Variants in LGR5 observed in about 807,000 individuals in gnomAD.
The protein encoded by LGR5 is leucine-rich repeat-containing G protein-coupled receptor 5.
A neutral mutation model predicts 76.7 loss-of-function variants in LGR5; 54 were observed. The observed-to-expected ratio is 0.70, with a 90% CI of 0.57 to 0.88. The LOEUF is 0.88. Ranked by LOEUF, LGR5 falls within the 40% of genes least tolerant of loss-of-function variation. LGR5 has a pLI of 0.00. For synonymous variants in LGR5, 406 were observed against 421.9 expected (o/e 0.96, Z 0.46); for missense variants, 1,078 against 1,073.3 (o/e 1.00, Z -0.06).
chr12:71,559,148 T>C (rs1214347727), intron 6 of LGR5, among the ~76,000 whole-genome samples: 1 of 152,122 alleles, frequency 6.6e-6, no homozygotes, highest in Non-Finnish European at 1.5e-5. Context: ...AGATTTCATG[T>C]CACAAGGGAG....
Position 71,584,275 on chromosome 12 carries a change from C to G in LGR5, c.2265C>G (p.Asp755Glu). ...TKLYCNLDKG[D>E]LENIWDCSMV... is the part of the protein sequence containing the mutation. The stretch of plus-strand genomic sequence containing the variant: ...TCTACTGCAATTTGGACAAGGGAGA[C>G]CTGGAGAATATTTGGGACTGCTCTA... Residue 755 changes from aspartate (D) to glutamate (E), a missense_variant, in exon 18 of 18, where the codon GAC becomes GAG. Asp to Glu is a conservative substitution (Grantham distance 45). Coordinates refer to ENST00000266674, the MANE Select transcript of LGR5 (RefSeq NM_003667.4). 1 of 1,614,210 alleles carries G rather than the reference C, an allele frequency of 6.2e-7. No individual in the cohort carries two copies. Among genetic ancestry groups the G allele is most frequent in the South Asian group, 1.1e-5 (1 of 91,088 alleles).
chr12:71,480,988 C>A (rs1289613672), intron 1 of LGR5, among the ~76,000 whole-genome samples: 1 of 152,186 alleles, frequency 6.6e-6, no homozygotes, highest in Non-Finnish European at 1.5e-5. Flanking sequence ...AGCTAGATAA[C>A]AACATTTAGG....
chr12:71,555,490 T>C (rs573566207), intron 5 of LGR5, among the ~76,000 whole-genome samples: 2 of 152,326 alleles, frequency 1.3e-5, no homozygotes, highest in South Asian at 4.1e-4. Flanking sequence ...TGTGTCAAGA[T>C]AACTAATCTC....
rs1878229662 is a variant in LGR5 at position 71,564,675 on chromosome 12, TATATAC to T, written c.858-1723_858-1718del. On this transcript the variant is annotated intron_variant, in intron 8 of 17. Transcript: ENST00000266674. ...TATACATATATGTACACACACTGTA[TATATAC>T]ATATATACATATATGTACACACACT... is the stretch of plus-strand genomic sequence containing the variant. Among the ~76,000 whole-genome samples the T allele has an allele frequency of 7.2e-5, 5 of 69,008 alleles. 1 individual carries two copies. Among genetic ancestry groups the T allele is most frequent in the Admixed American group, 1.7e-4 (1 of 5,836 alleles). 45.3% of individuals were successfully genotyped at this position (69,008 alleles called of 152,430 possible). A position where few individuals can be genotyped will look rare whatever the true frequency, so the allele number is the denominator to read the frequency against.
chr12:71,461,484 T>A (rs1234855886), intron 1 of LGR5, among the ~76,000 whole-genome samples: 1 of 152,182 alleles, frequency 6.6e-6, no homozygotes, highest in Admixed American at 6.6e-5. Flanking sequence ...TTTCCGCCTT[T>A]TAGTCTATTT....
At chr12:71,449,803 G>A (rs999333867) in intron 1 of LGR5, among the ~76,000 whole-genome samples, 1 of 152,170 alleles carries the variant, frequency 6.6e-6, no homozygotes, top group Non-Finnish European at 1.5e-5. Flanking sequence ...TACATTTAGA[G>A]TAAGTTCTGT....
At chr12:71,559,200 G>A (rs183603927) in intron 6 of LGR5, among the ~76,000 whole-genome samples, 2 of 152,304 alleles carry the variant, frequency 1.3e-5, no homozygotes, top group African/African-American at 4.8e-5. Flanking sequence ...CAGGAGCCCT[G>A]AGGAGTGCAA....
chr12:71,450,540 C>T (rs750894994), intron 1 of LGR5, among the ~76,000 whole-genome samples: 2 of 152,106 alleles, frequency 1.3e-5, no homozygotes, highest in Non-Finnish European at 2.9e-5. Flanking sequence ...GAACTCCTGG[C>T]CTCAAGTAAT....
At chr12:71,479,158 C>A (rs1269206676) in intron 1 of LGR5, among the ~76,000 whole-genome samples, 1 of 151,766 alleles carries the variant, frequency 6.6e-6, no homozygotes, top group Admixed American at 6.6e-5. Context: ...TTATTTTTTT[C>A]TATGAGTTGT....
intron 7 of LGR5, among the ~76,000 whole-genome samples, chr12:71,560,140 C>G (rs1877983201): frequency 6.6e-6 from 1 of 152,188 alleles, no homozygotes. Context: ...TTAGGGACAA[C>G]AACCCTTGCA....
At chr12:71,441,890 C>G (rs1871783677) in intron 1 of LGR5, 1 of 152,188 alleles carries the variant, frequency 6.6e-6, no homozygotes, top group Non-Finnish European at 1.5e-5. Flanking sequence ...GCTATCTCTA[C>G]TACAAAGCAG....
intron 1 of LGR5, among the ~76,000 whole-genome samples, chr12:71,485,001 C>A (rs918142699): frequency 2.6e-5 from 4 of 152,060 alleles, no homozygotes; most frequent in African/African-American, 9.7e-5. Context: ...TTAGAATTAT[C>A]CTATAATTTA....
chr12:71,527,560 T>C (rs1052960006), intron 3 of LGR5, among the ~76,000 whole-genome samples: 4 of 152,216 alleles, frequency 2.6e-5, no homozygotes, highest in African/African-American at 9.6e-5. Context: ...TTTCATATGA[T>C]TGTACTCCAA....
intron 15 of LGR5, among the ~76,000 whole-genome samples, chr12:71,579,336 A>G (rs1231356692): frequency 6.6e-6 from 1 of 152,260 alleles, no homozygotes; most frequent in Non-Finnish European, 1.5e-5. Context: ...AATGCTGCTT[A>G]AAATCTGTTA....
At chr12:71,493,817 G>A (rs1348203939) in intron 1 of LGR5, among the ~76,000 whole-genome samples, 1 of 143,198 alleles carries the variant, frequency 7.0e-6, no homozygotes, top group East Asian at 2.0e-4. Flanking sequence ...CGCCTAAGCT[G>A]GAGTGCAGTG....
intron 2 of LGR5, among the ~76,000 whole-genome samples, chr12:71,523,050 T>C (rs1346028352): frequency 6.6e-6 from 1 of 152,212 alleles, no homozygotes; most frequent in African/African-American, 2.4e-5. Context: ...ATTGAGTAAA[T>C]AATGCTTTAA....
chr12:71,547,945 ATATATAC>A (rs1877275386), intron 4 of LGR5, among the ~76,000 whole-genome samples: 1 of 151,988 alleles, frequency 6.6e-6, no homozygotes, highest in South Asian at 2.1e-4. Context: ...CCTATAAATT[ATATATAC>A]TATATACTAT....
intron 1 of LGR5, among the ~76,000 whole-genome samples, chr12:71,443,824 C>T (rs577598678): frequency 4.6e-5 from 7 of 152,088 alleles, no homozygotes; most frequent in African/African-American, 1.7e-4. Flanking sequence ...AAAAAGAAAA[C>T]TGAATTTTTC....
intron 8 of LGR5, among the ~76,000 whole-genome samples, chr12:71,564,577 A>G (rs1878216061): frequency 7.4e-6 from 1 of 135,134 alleles, no homozygotes; most frequent in Non-Finnish European, 1.6e-5. Flanking sequence ...GTATATATGC[A>G]TATATACGTA....
Sources: allele counts gnomAD v4.1 joint callset (sites outside exome capture counted in the v4.1 genomes callset), GRCh38; gene constraint gnomAD v4.1.1; transcripts MANE v1.5; gene names NCBI Gene and HGNC (gene_info 2026-07-23, HGNC 2026-07-21).